MGAT5: variants seen among roughly 807,000 people sequenced by gnomAD.
MGAT5 encodes alpha-1,6-mannosylglycoprotein 6-beta-N-acetylglucosaminyltransferase.
MGAT5 carries 30 observed loss-of-function variants against 94.3 expected under a neutral mutation model. That is an observed-to-expected ratio of 0.32 (90% CI 0.24 to 0.43). MGAT5 has a LOEUF of 0.43. Among genes scored for constraint, MGAT5 ranks in the 20% least tolerant of loss-of-function variants. The pLI is 1.00. For synonymous variants in MGAT5, 310 were observed against 322.9 expected, an observed-to-expected ratio of 0.96 and a Z score of 0.43; for missense variants, 691 against 905.5, an observed-to-expected ratio of 0.76 and a Z score of 3.04.
chr2:134,288,875 T>C (rs1448330075), intron 2 of MGAT5, among the ~76,000 whole-genome samples: 7 of 152,186 alleles, frequency 4.6e-5, no homozygotes, highest in African/African-American at 1.7e-4. Flanking sequence ...ATATCAGATG[T>C]ACAAAATGGG....
chr2:134,297,447 G>A (rs1685744167), intron 2 of MGAT5, among the ~76,000 whole-genome samples: 1 of 152,034 alleles, frequency 6.6e-6, no homozygotes, highest in African/African-American at 2.4e-5. Context: ...CATCACAAGT[G>A]AACAACAGAC....
intron 2 of MGAT5, among the ~76,000 whole-genome samples, chr2:134,273,856 G>T (rs1447901100): frequency 6.6e-6 from 1 of 152,134 alleles, no homozygotes; most frequent in Admixed American, 6.5e-5. Flanking sequence ...AGAGAAAGGG[G>T]ACTCAAAGGA....
intron 2 of MGAT5, among the ~76,000 whole-genome samples, chr2:134,309,326 G>A (rs1392405248): frequency 6.6e-6 from 1 of 152,114 alleles, no homozygotes; most frequent in Non-Finnish European, 1.5e-5. Context: ...TTCTTTCATA[G>A]TGTAAACCAA....
intron 1 of MGAT5, among the ~76,000 whole-genome samples, chr2:134,123,220 T>C (rs767704130): frequency 6.6e-6 from 1 of 152,204 alleles, no homozygotes; most frequent in African/African-American, 2.4e-5. Flanking sequence ...TTACCCTAGC[T>C]GACGGGGAGG....
intron 1 of MGAT5, among the ~76,000 whole-genome samples, chr2:134,203,286 G>C (rs937062024): frequency 6.6e-6 from 1 of 152,242 alleles, no homozygotes; most frequent in Non-Finnish European, 1.5e-5. Context: ...GCAGATTTTA[G>C]TCCCATCCTT....
chr2:134,446,659 TGG>T (rs1315672382), intron 15 of MGAT5, among the ~76,000 whole-genome samples: 1 of 152,182 alleles, frequency 6.6e-6, no homozygotes, highest in Non-Finnish European at 1.5e-5. Context: ...CTTAACTCCC[TGG>T]GCATTACCAT....
chr2:134,208,871 A>AC (rs1434309551), intron 1 of MGAT5, among the ~76,000 whole-genome samples: 6 of 152,254 alleles, frequency 3.9e-5, no homozygotes, highest in African/African-American at 1.4e-4. Flanking sequence ...GCATTATCTT[A>AC]CTCCCAGCCT....
intron 1 of MGAT5, among the ~76,000 whole-genome samples, chr2:134,132,295 G>A (rs1301476463): frequency 6.6e-6 from 1 of 152,134 alleles, no homozygotes; most frequent in Non-Finnish European, 1.5e-5. Context: ...CTCAGAAACA[G>A]ACTAGTTTTC....
chr2:134,178,064 CAA>C (rs1200519467), intron 1 of MGAT5, among the ~76,000 whole-genome samples: 1 of 151,456 alleles, frequency 6.6e-6, no homozygotes, highest in African/African-American at 2.4e-5. Context: ...GAATTAAAGA[CAA>C]AACCAGTTTT....
chr2:134,341,552 G>T (rs754572018), intron 6 of MGAT5, 38 bp from the exon 7 acceptor site: 5 of 1,556,514 alleles, frequency 3.2e-6, no homozygotes, highest in Non-Finnish European at 4.4e-6. Flanking sequence ...TTTGTATGTG[G>T]TTCAGTGTGA....
chr2:134,367,859 T>C (rs907578890), intron 10 of MGAT5, among the ~76,000 whole-genome samples: 3 of 152,246 alleles, frequency 2.0e-5, no homozygotes, highest in East Asian at 1.9e-4. Flanking sequence ...GCATTGATAA[T>C]AAAGGAGTCG....
At chr2:134,127,454 T>C (rs1267151979) in intron 1 of MGAT5, among the ~76,000 whole-genome samples, 3 of 151,950 alleles carry the variant, frequency 2.0e-5, no homozygotes, top group African/African-American at 7.2e-5. Context: ...ATTCCTCCTT[T>C]GCAATTCTTA....
At chr2:134,387,228 T>C (rs566641050) in intron 10 of MGAT5, among the ~76,000 whole-genome samples, 1 of 146,402 alleles carries the variant, frequency 6.8e-6, no homozygotes, top group Non-Finnish European at 1.5e-5. Context: ...TCCCTTGCAC[T>C]CCAGCCTGGG....
At chr2:134,442,011 C>T in intron 15 of MGAT5, 96 bp downstream of exon 15, 1 of 1,391,018 alleles carries the variant, frequency 7.2e-7, no homozygotes. Context: ...CTCTTCCAAG[C>T]TACTGGGCTG....
Position 134,349,809 on chromosome 2 carries a change from A to T in MGAT5, c.1117A>T (p.Met373Leu). ...CACATTGCTTTTTTCTTTCAGGTGC[A>T]TGCTCCGAGTCCTTGATTCATTTGG... ...LGPSWVHYQCMLRVLDSFGTE... is the reference protein window; with the variant it reads ...LGPSWVHYQCLLRVLDSFGTE... Residue 373 changes from methionine to leucine, a missense_variant, in exon 9 of 16, where the codon ATG (methionine) becomes TTG (leucine). This residue lies in a region of MGAT5 where 121 missense variants were observed against 206.1 expected (regional missense o/e 0.59). Transcript: ENST00000281923. 2 of 1,613,372 alleles carry T rather than the reference A, an allele frequency of 1.2e-6. No homozygotes were observed. The highest frequency in any genetic ancestry group is 1.7e-6 in the Non-Finnish European group (2 of 1,179,578).
chr2:134,151,472 G>A (rs868187633), intron 1 of MGAT5, among the ~76,000 whole-genome samples: 2 of 87,326 alleles, frequency 2.3e-5, no homozygotes, highest in Non-Finnish European at 4.5e-5. Flanking sequence ...TATGGGAGCC[G>A]CCCACTGCCA....
chr2:134,280,058 C>G (rs980912050), intron 2 of MGAT5, among the ~76,000 whole-genome samples: 1 of 152,130 alleles, frequency 6.6e-6, no homozygotes, highest in African/African-American at 2.4e-5. Flanking sequence ...AGAGATTTTC[C>G]TTTAAGCTGT....
chr2:134,216,755 T>C (rs1159946929), intron 1 of MGAT5, among the ~76,000 whole-genome samples: 1 of 152,318 alleles, frequency 6.6e-6, no homozygotes, highest in Non-Finnish European at 1.5e-5. Flanking sequence ...GCTCTACCTC[T>C]AGGGGTGATT....
intron 2 of MGAT5, among the ~76,000 whole-genome samples, chr2:134,283,953 A>C (rs1231487002): frequency 6.6e-6 from 1 of 152,128 alleles, no homozygotes; most frequent in Non-Finnish European, 1.5e-5. Flanking sequence ...TCCAGGCTAG[A>C]GACTGTGAGC....
Sources: gnomAD v4.1 joint callset for allele counts (sites outside exome capture counted in the v4.1 genomes callset) on GRCh38, gnomAD v4.1.1 for gene constraint, gnomAD v4.1.1 regional missense constraint, MANE v1.5 for transcripts, NCBI Gene and HGNC (gene_info 2026-07-23, HGNC 2026-07-21) for gene names.